FAM222B: variants seen among roughly 807,000 people sequenced by gnomAD.
FAM222B encodes the protein protein FAM222B.
Under a neutral mutation model 38.0 loss-of-function variants are expected in FAM222B, and 12 were observed. The ratio of observed to expected loss-of-function variants is 0.32; its 90% confidence interval spans 0.20 to 0.51. The LOEUF (loss-of-function observed/expected upper bound fraction) is 0.51, where lower values mean the gene tolerates loss of function less well. Among genes scored for constraint, FAM222B ranks in the 20% least tolerant of loss-of-function variants. The pLI is 0.97. For synonymous variants in FAM222B, 329 were observed against 317.2 expected, an observed-to-expected ratio of 1.04 and a Z score of -0.40; for missense variants, 716 against 754.2, an observed-to-expected ratio of 0.95 and a Z score of 0.59.
intron 1 of FAM222B, chr17:28,854,905 C>G: frequency 1.0e-6 from 1 of 994,454 alleles, no homozygotes; most frequent in Non-Finnish European, 1.4e-6. Context: ...TTCCTCCTCC[C>G]GCCCACATCC....
Position 28,759,500 on chromosome 17 carries a change from G to A in FAM222B, c.459C>T (p.Ala153=). 6.3e-7 allele frequency: 1 copy of A among 1,577,010 alleles called. No individual in the cohort carries two copies. Among genetic ancestry groups the A allele is most frequent in the Non-Finnish European group, 8.6e-7 (1 of 1,160,898 alleles). Residue 153 remains alanine, a synonymous_variant, in exon 3 of 3, where the codon GCC becomes GCT. Coordinates refer to ENST00000581407, the MANE Select transcript of FAM222B (RefSeq NM_001077498.3). This position sits in a 1 kb window ranked among gnomAD's most constrained non-coding sequence, Gnocchi z 4.8. ...GTGCATGCTGCAGGGCCTGCTGGCG[G>A]GCCAGAGCCTGGGCCTGGGGGTGGG... is the stretch of plus-strand genomic sequence containing the variant. ...TLAHPQAQAL[A]RQQALQHAQT...
intron 1 of FAM222B, among the ~76,000 whole-genome samples, chr17:28,779,599 A>C (rs1286319455): frequency 6.6e-6 from 1 of 151,828 alleles, no homozygotes; most frequent in Admixed American, 6.6e-5. Context: ...AAAATACAAA[A>C]AATTAGCCGG....
intron 1 of FAM222B, among the ~76,000 whole-genome samples, chr17:28,787,873 G>A (rs947141671): frequency 4.3e-5 from 6 of 138,082 alleles, no homozygotes; most frequent in African/African-American, 1.7e-4. Context: ...GTTGCAGGCT[G>A]GAGTGCAATG....
At chr17:28,793,798 T>C (rs1440602054) in intron 1 of FAM222B, among the ~76,000 whole-genome samples, 2 of 149,712 alleles carry the variant, frequency 1.3e-5, no homozygotes, top group African/African-American at 4.9e-5. Flanking sequence ...CAGGCTGGAG[T>C]GCAATGGTGC....
At chr17:28,800,638 C>CA (rs2037172753) in intron 1 of FAM222B, among the ~76,000 whole-genome samples, 1 of 152,016 alleles carries the variant, frequency 6.6e-6, no homozygotes, top group Admixed American at 6.6e-5. Context: ...TGGAAATAGT[C>CA]AAAGGACTTT....
chr17:28,782,123 G>A (rs1021032878), intron 1 of FAM222B, among the ~76,000 whole-genome samples: 3 of 152,034 alleles, frequency 2.0e-5, no homozygotes, highest in African/African-American at 4.8e-5. Flanking sequence ...CCAGGAATTT[G>A]AGACCAGCCA....
intron 1 of FAM222B, among the ~76,000 whole-genome samples, chr17:28,825,689 A>C (rs2038416218): frequency 1.3e-5 from 2 of 152,122 alleles, no homozygotes; most frequent in South Asian, 4.1e-4. Flanking sequence ...CCTTAGAGAG[A>C]TATTCTCCCA....
chr17:28,775,609 G>C (rs1159242923), intron 1 of FAM222B, among the ~76,000 whole-genome samples: 4 of 152,052 alleles, frequency 2.6e-5, no homozygotes, highest in Non-Finnish European at 5.9e-5. Flanking sequence ...GTCATGCGTG[G>C]TGGCTCACAC....
intron 1 of FAM222B, among the ~76,000 whole-genome samples, chr17:28,782,325 AAAAT>A (rs2036200776): frequency 6.6e-6 from 1 of 152,192 alleles, no homozygotes. Context: ...CTGTCTTAAA[AAAAT>A]AAATAAATAA....
In FAM222B at chr17:28,814,842, T is replaced by C. The variant is rs907989560; in HGVS notation, c.-41+27840A>G. Among the ~76,000 whole-genome samples the C allele has an allele frequency of 6.0e-5, 9 of 150,132 alleles. No homozygotes were observed. The South Asian group carries it at 1.5e-3, about 25-fold the overall frequency. ...AGGCTGGAGTGCAACAGCACAATCT[T>C]GGCTCACTGCAACCTCTGCCTCCCG... On this transcript the variant is annotated intron_variant, in intron 1 of 2. Coordinates refer to ENST00000581407, the MANE Select transcript of FAM222B (RefSeq NM_001077498.3).
At position 28,759,366 on chromosome 17, in the gene FAM222B, T is replaced by G; in HGVS notation, c.593A>C (p.His198Pro). The change falls in exon 3 of 3, where the codon CAC becomes CCC. Residue 198 changes from histidine to proline, a missense_variant. By Grantham distance (77) the His-to-Pro change is moderately conservative. Coordinates refer to ENST00000581407, the MANE Select transcript of FAM222B (RefSeq NM_001077498.3). This position sits in a 1 kb window ranked among gnomAD's most constrained non-coding sequence, Gnocchi z 4.8. ...CTGGGTTTGGGCCATGGGCTGAGGG[T>G]GGCCCAGGCCCTGAGGCTGCTGGAG... is the stretch of plus-strand genomic sequence containing the variant. The part of the protein sequence containing the change: ...QSLQQPQGLG[H>P]PQPMAQTQGL... The G allele has an allele frequency of 6.2e-7, 1 of 1,608,372 alleles. No homozygotes were observed.
intron 1 of FAM222B, among the ~76,000 whole-genome samples, chr17:28,786,032 C>A (rs1201064346): frequency 6.6e-6 from 1 of 151,872 alleles, no homozygotes; most frequent in Non-Finnish European, 1.5e-5. Context: ...CGGGGTTTCA[C>A]CTTGTTGGCC....
Position 28,757,245 on chromosome 17 carries a change from G to A in FAM222B, c.*1025C>T, listed in dbSNP as rs991918191. On this transcript the variant is annotated 3_prime_UTR_variant, in exon 3 of 3. Transcript: ENST00000581407. Reference sequence around the variant, plus strand: ...CATTAAACTGAGGGGCTGCACTAGAGGGTGAATGTACCTGTGGGGCCACTC... The same window carrying A: ...CATTAAACTGAGGGGCTGCACTAGAAGGTGAATGTACCTGTGGGGCCACTC... 6.6e-6 allele frequency: 1 copy of A among 152,586 alleles called. No individual in the cohort carries two copies. The highest frequency in any genetic ancestry group is 1.5e-5 in the Non-Finnish European group (1 of 68,044). The allele number at this position is 152,586 out of a possible 1,614,324, so 9.5% of individuals were successfully genotyped here. A position where few individuals can be genotyped will look rare whatever the true frequency, so the allele number is the denominator to read the frequency against.
intron 1 of FAM222B, among the ~76,000 whole-genome samples, chr17:28,771,537 C>T (rs1597870696): frequency 1.3e-5 from 2 of 151,698 alleles, no homozygotes; most frequent in South Asian, 2.1e-4. Flanking sequence ...AAAAATTAGT[C>T]GGGCGTGGTG....
chr17:28,781,977 A>G (rs2036185173), intron 1 of FAM222B, among the ~76,000 whole-genome samples: 1 of 152,200 alleles, frequency 6.6e-6, no homozygotes, highest in Non-Finnish European at 1.5e-5. Flanking sequence ...GTTTACAGGC[A>G]TGCCCCATTT....
At chr17:28,821,432 A>G (rs2038215004) in intron 1 of FAM222B, among the ~76,000 whole-genome samples, 1 of 152,186 alleles carries the variant, frequency 6.6e-6, no homozygotes, top group Non-Finnish European at 1.5e-5. Flanking sequence ...AGTGTTTTAC[A>G]ATTATTTTCA....
At chr17:28,785,510 T>C (rs1485965338) in intron 1 of FAM222B, among the ~76,000 whole-genome samples, 1 of 152,046 alleles carries the variant, frequency 6.6e-6, no homozygotes, top group African/African-American at 2.4e-5. Context: ...TAAGCCGTGG[T>C]TTTGATGATG....
chr17:28,759,035 G>C lies in FAM222B; in HGVS notation c.924C>G (p.Thr308=), dbSNP rs555899896. ...ISRSLLINAS[T]RVSTHSVPTP... ...TGGGGACGCTGTGGGTCGACACCCG[G>C]GTGCTTGCATTGATGAGCAGACTGC... The change falls in exon 3 of 3, where the codon ACC becomes ACG. Residue 308 remains threonine, a synonymous_variant. Coordinates refer to ENST00000581407, the MANE Select transcript of FAM222B (RefSeq NM_001077498.3). The surrounding 1 kb of genome is among the most constrained non-coding windows in gnomAD (Gnocchi z 4.8). 6.2e-7 allele frequency: 1 copy of C among 1,612,874 alleles called. No homozygotes were observed. Among genetic ancestry groups the C allele is most frequent in the Non-Finnish European group, 8.5e-7 (1 of 1,179,466 alleles).
At chr17:28,794,699 C>G (rs1163488726) in intron 1 of FAM222B, among the ~76,000 whole-genome samples, 2 of 152,190 alleles carry the variant, frequency 1.3e-5, no homozygotes, top group African/African-American at 4.8e-5. Context: ...AGGGGACCTA[C>G]AAGTCTTCTT....
Sources: allele counts gnomAD v4.1 joint callset (sites outside exome capture counted in the v4.1 genomes callset), GRCh38; gene constraint gnomAD v4.1.1; non-coding constraint Gnocchi (gnomAD v3.1); transcripts MANE v1.5; gene names NCBI Gene and HGNC (gene_info 2026-07-23, HGNC 2026-07-21).